The following ADAMTS6 variants were observed in gnomAD, a reference collection of about 807,000 sequenced individuals.
ADAMTS6 encodes the protein A disintegrin and metalloproteinase with thrombospondin motifs 6.
In ADAMTS6, 23 loss-of-function variants were observed where a neutral mutation model predicts 144.3. The ratio of observed to expected loss-of-function variants is 0.16; its 90% CI spans 0.11 to 0.23. The LOEUF (loss-of-function observed/expected upper bound fraction) is 0.23, where lower values mean the gene tolerates loss of function less well. Ranked by LOEUF, ADAMTS6 falls within the 10% of genes least tolerant of loss-of-function variation. ADAMTS6 has a pLI of 1.00. For missense variants in ADAMTS6, 999 were observed against 1,379.6 expected (o/e 0.72, Z 4.37); for synonymous variants, 444 against 457.5 (o/e 0.97, Z 0.38).
At chr5:65,358,849 A>T (rs1580483003) in intron 7 of ADAMTS6, among the ~76,000 whole-genome samples, 3 of 152,044 alleles carry the variant, frequency 2.0e-5, no homozygotes, top group East Asian at 3.8e-4. Flanking sequence ...TTGGACCCTT[A>T]ACTCACATCA....
In ADAMTS6 at chr5:65,440,633, G is replaced by A. The variant is rs931075248; in HGVS notation, c.1073+10842C>T. 3.3e-5 allele frequency among the ~76,000 whole-genome samples: 5 copies of A among 152,162 alleles called. No individual in the cohort carries two copies. In the East Asian group the frequency reaches 5.8e-4, roughly 18 times the overall value. On this transcript the variant is annotated intron_variant, in intron 7 of 24. Transcript: ENST00000381055. ...TGAGTGTGAATCTGGCTCATATGAC[G>A]TAAGAGAAGCACTTAAGGCCAGGCA...
intron 7 of ADAMTS6, among the ~76,000 whole-genome samples, chr5:65,351,818 GAGA>G (rs895564903): frequency 3.3e-5 from 5 of 150,868 alleles, no homozygotes; most frequent in South Asian, 2.1e-4. Context: ...AAAAAAAAAA[GAGA>G]AGAAGAAGAA....
intron 15 of ADAMTS6, among the ~76,000 whole-genome samples, chr5:65,236,834 G>A (rs1758708763): frequency 6.6e-6 from 1 of 151,864 alleles, no homozygotes; most frequent in Admixed American, 6.6e-5. Context: ...TAATAAGCTA[G>A]AAAAAAGACA....
intron 9 of ADAMTS6, among the ~76,000 whole-genome samples, chr5:65,307,130 G>T (rs140536000): frequency 6.6e-6 from 1 of 152,006 alleles, no homozygotes; most frequent in Admixed American, 6.6e-5. Context: ...TTCTGAAATC[G>T]TTAATAGTTT....
chr5:65,215,582 G>T (rs75286618), intron 18 of ADAMTS6, 95 bp from the exon 19 acceptor site: 1 of 1,083,750 alleles, frequency 9.2e-7, no homozygotes, highest in Non-Finnish European at 1.3e-6. Flanking sequence ...AATGAATACC[G>T]ATTTCCATTT....
Position 65,288,492 on chromosome 5 carries a change from G to C in ADAMTS6, c.1512+2837C>G, listed in dbSNP as rs1741962608. Reference sequence around the variant, plus strand: ...GCACCACCACGCCCAGCTAATTTTTGTATTTTTAGTAGAGATGAGGTTTCA... The same window carrying C: ...GCACCACCACGCCCAGCTAATTTTTCTATTTTTAGTAGAGATGAGGTTTCA... On this transcript the variant is annotated intron_variant, in intron 11 of 24. Coordinates refer to ENST00000381055, the MANE Select transcript of ADAMTS6 (RefSeq NM_197941.4). Among the ~76,000 whole-genome samples the C allele has an allele frequency of 4.0e-5, 6 of 151,798 alleles. No individual in the cohort carries two copies. The South Asian group carries it at 1.2e-3, about 32-fold the overall frequency.
intron 20 of ADAMTS6, among the ~76,000 whole-genome samples, chr5:65,200,971 T>C (rs1241168602): frequency 1.3e-5 from 2 of 152,234 alleles, no homozygotes; most frequent in African/African-American, 4.8e-5. Context: ...TCAGATCCTA[T>C]ATTTAATTTT....
chr5:65,252,366 C>T (rs555460054), intron 14 of ADAMTS6, among the ~76,000 whole-genome samples: 5 of 151,462 alleles, frequency 3.3e-5, no homozygotes, highest in East Asian at 3.9e-4. Context: ...CTCAGCCTCC[C>T]GAGTAGCTGG....
At chr5:65,365,005 A>G (rs532428240) in intron 7 of ADAMTS6, among the ~76,000 whole-genome samples, 1 of 152,212 alleles carries the variant, frequency 6.6e-6, no homozygotes, top group East Asian at 1.9e-4. Context: ...TTTCCTTTTA[A>G]AAGAGGTTTT....
chr5:65,340,011 G>C (rs1302156423), intron 7 of ADAMTS6, among the ~76,000 whole-genome samples: 3 of 152,092 alleles, frequency 2.0e-5, no homozygotes, highest in Admixed American at 2.0e-4. Flanking sequence ...TCTTAGGAGA[G>C]AGTCCAGAAA....
chr5:65,311,909 T>G (rs1744531779), intron 9 of ADAMTS6, among the ~76,000 whole-genome samples: 1 of 152,096 alleles, frequency 6.6e-6, no homozygotes, highest in Non-Finnish European at 1.5e-5. Context: ...AATTTTTCTG[T>G]CTAAGCAATC....
chr5:65,302,973 A>G (rs960768828), intron 9 of ADAMTS6, among the ~76,000 whole-genome samples: 3 of 152,152 alleles, frequency 2.0e-5, no homozygotes, highest in African/African-American at 7.2e-5. Flanking sequence ...AGAAAGGCAT[A>G]TCTTTCACCC....
intron 23 of ADAMTS6, among the ~76,000 whole-genome samples, 154 bp from the exon 24 acceptor site, chr5:65,170,927 A>AAC (rs1376802639): frequency 1.6e-5 from 1 of 63,104 alleles, no homozygotes; most frequent in South Asian, 3.3e-4. Context: ...GCTGGTCTCG[A>AAC]ACCTGACCTC....
intron 7 of ADAMTS6, among the ~76,000 whole-genome samples, chr5:65,342,620 C>G (rs529698279): frequency 4.6e-5 from 7 of 152,182 alleles, no homozygotes; most frequent in African/African-American, 1.7e-4. Flanking sequence ...AGAAAAGAAG[C>G]TTTTCCTCTA....
intron 13 of ADAMTS6, among the ~76,000 whole-genome samples, chr5:65,260,955 C>A (rs1761146939): frequency 6.6e-6 from 1 of 151,762 alleles, no homozygotes; most frequent in Non-Finnish European, 1.5e-5. Flanking sequence ...TCAAGAAAAT[C>A]AATTGAATCA....
chr5:65,352,513 T>A (rs909053456), intron 7 of ADAMTS6, among the ~76,000 whole-genome samples: 4 of 152,060 alleles, frequency 2.6e-5, no homozygotes, highest in African/African-American at 9.7e-5. Flanking sequence ...CTATAATACT[T>A]CGGTAAAAAA....
chr5:65,173,720 C>A (rs1355694866), intron 22 of ADAMTS6, among the ~76,000 whole-genome samples: 1 of 152,086 alleles, frequency 6.6e-6, no homozygotes, highest in Non-Finnish European at 1.5e-5. Flanking sequence ...ATGTCTGGAC[C>A]CTTCCTTAAA....
At chr5:65,366,474 T>C (rs1260932114) in intron 7 of ADAMTS6, among the ~76,000 whole-genome samples, 1 of 152,162 alleles carries the variant, frequency 6.6e-6, no homozygotes, top group East Asian at 1.9e-4. Flanking sequence ...AACCAAGAAG[T>C]TAGTCACAAT....
chr5:65,405,160 A>T (rs576772707), intron 7 of ADAMTS6, among the ~76,000 whole-genome samples: 11 of 152,004 alleles, frequency 7.2e-5, no homozygotes, highest in East Asian at 3.9e-4. Context: ...TTAGATCCCA[A>T]TTGTCAATTT....
Sources: gnomAD v4.1 joint callset for allele counts (sites outside exome capture counted in the v4.1 genomes callset) on GRCh38, gnomAD v4.1.1 for gene constraint, MANE v1.5 for transcripts, NCBI Gene and HGNC (gene_info 2026-07-23, HGNC 2026-07-21) for gene names.